Variants in HDAC9 observed in about 807,000 individuals in gnomAD.
The protein encoded by HDAC9 is MEF-2 interacting transcription repressor (MITR) protein.
A neutral mutation model predicts 139.4 loss-of-function variants in HDAC9; 41 were observed. That is an observed-to-expected ratio of 0.29 (90% CI 0.23 to 0.38). HDAC9 has a LOEUF of 0.38. Among genes scored for constraint, HDAC9 ranks in the 10% least tolerant of loss-of-function variants. The probability of loss-of-function intolerance (pLI) is 1.00; values close to 1 mark genes in which losing one functional copy is unlikely to be tolerated. For missense variants in HDAC9, 1,147 were observed against 1,297.0 expected (o/e 0.88, Z 1.78); for synonymous variants, 517 against 476.2 (o/e 1.09, Z -1.12).
chr7:18,737,678 A>T (rs1298239558), intron 13 of HDAC9, among the ~76,000 whole-genome samples: 2 of 152,152 alleles, frequency 1.3e-5, no homozygotes, highest in Non-Finnish European at 2.9e-5. Context: ...TTTATTCCCT[A>T]TGATGTGGTC....
chr7:18,183,597 A>T (rs1396858386), intron 2 of HDAC9, among the ~76,000 whole-genome samples: 1 of 152,210 alleles, frequency 6.6e-6, no homozygotes, highest in Non-Finnish European at 1.5e-5. Flanking sequence ...GCATAAGAAG[A>T]TTGGCAGAAC....
At chr7:18,634,812 T>C (rs2285431) in intron 8 of HDAC9, 70 bp downstream of exon 8, 516,393 of 913,532 alleles carry the variant, frequency 0.57, 149,373 homozygotes, top group South Asian at 0.64. Context: ...CAAAGTGATA[T>C]TTCTGAGTTG....
intron 1 of HDAC9, chr7:18,127,199 T>C (rs1365060261): frequency 5.9e-6 from 1 of 168,672 alleles, no homozygotes; most frequent in Non-Finnish European, 1.5e-5. Flanking sequence ...GGACACCTAG[T>C]AATATTTGAA....
At chr7:18,991,874 T>C (rs1293346138) in intron 25 of HDAC9, among the ~76,000 whole-genome samples, 1 of 152,222 alleles carries the variant, frequency 6.6e-6, no homozygotes, top group East Asian at 1.9e-4. Context: ...CAATGGAGAA[T>C]GTGAGTTCTA....
intron 2 of HDAC9, among the ~76,000 whole-genome samples, chr7:18,245,498 G>T (rs1338991783): frequency 6.6e-6 from 1 of 151,930 alleles, no homozygotes; most frequent in Non-Finnish European, 1.5e-5. Context: ...TGAGGCGGGA[G>T]AATGGCATGA....
chr7:18,539,838 T>A (rs747255191), intron 2 of HDAC9, among the ~76,000 whole-genome samples: 2 of 152,098 alleles, frequency 1.3e-5, no homozygotes, highest in African/African-American at 2.4e-5. Flanking sequence ...AATCTATAAA[T>A]GTGTTAAAAT....
intron 6 of HDAC9, among the ~76,000 whole-genome samples, chr7:18,626,642 C>T (rs1192921721): frequency 6.6e-6 from 1 of 152,152 alleles, no homozygotes; most frequent in African/African-American, 2.4e-5. Flanking sequence ...GTGGTAGATA[C>T]AAGACTAAAA....
Position 18,898,207 on chromosome 7 carries a change from A to G in HDAC9, c.2803+23611A>G, listed in dbSNP as rs550036785. On this transcript the variant is annotated intron_variant, in intron 22 of 25. Coordinates refer to ENST00000686413, the MANE Select transcript of HDAC9 (RefSeq NM_178425.4). ...AACATTGGGGAAGCATTCATAGTCT[A>G]TTAAGACAGACACATACACAATTAT... is the stretch of plus-strand genomic sequence containing the variant. 8.2e-4 allele frequency among the ~76,000 whole-genome samples: 125 copies of G among 151,986 alleles called. 1 individual carries two copies. Among genetic ancestry groups the G allele is most frequent in the Non-Finnish European group, 7.4e-5 (5 of 67,820 alleles).
intron 1 of HDAC9, among the ~76,000 whole-genome samples, chr7:18,469,797 T>C (rs372135799): frequency 3.3e-5 from 5 of 152,140 alleles, no homozygotes; most frequent in African/African-American, 9.7e-5. Flanking sequence ...TCAGATCTTA[T>C]AGGTAAATCA....
intron 2 of HDAC9, among the ~76,000 whole-genome samples, chr7:18,554,102 A>G (rs963718336): frequency 6.6e-6 from 1 of 152,186 alleles, no homozygotes; most frequent in African/African-American, 2.4e-5. Context: ...CCATATATTT[A>G]TCAGATGTCC....
intron 2 of HDAC9, among the ~76,000 whole-genome samples, chr7:18,573,540 G>A (rs1824986814): frequency 6.6e-6 from 1 of 152,190 alleles, no homozygotes; most frequent in South Asian, 2.1e-4. Context: ...GGCTGCACTC[G>A]GCTCGTGCTG....
At chr7:18,578,960 G>A (rs1826910516) in intron 2 of HDAC9, among the ~76,000 whole-genome samples, 1 of 152,166 alleles carries the variant, frequency 6.6e-6, no homozygotes, top group South Asian at 2.1e-4. Context: ...TATTGCTATA[G>A]GAAGTTATTC....
intron 1 of HDAC9, among the ~76,000 whole-genome samples, chr7:18,356,358 G>GTTTTTT (rs5882659): frequency 0.075 from 4,140 of 55,080 alleles, 750 homozygotes; most frequent in Middle Eastern, 0.11. Flanking sequence ...CAGCACATAG[G>GTTTTTT]TTTTTTTTTT....
In HDAC9 at chr7:18,758,594, G is replaced by A. The variant is rs142633564; in HGVS notation, c.2044-3563G>A. On this transcript the variant is annotated intron_variant, in intron 14 of 25. Transcript: ENST00000686413. ...CAATATGAAAGGAAAAGTTGAATGT[G>A]ACAAATTTAAGGCATTTATACAAGT... is the stretch of plus-strand genomic sequence containing the variant. Among the ~76,000 whole-genome samples, 752 of 152,234 alleles carry A rather than the reference G, an allele frequency of 4.9e-3. 3 individuals carry two copies. Among genetic ancestry groups the A allele is most frequent in the South Asian group, 8.7e-3 (42 of 4,824 alleles).
At chr7:18,727,184 G>T (rs1049625328) in intron 12 of HDAC9, among the ~76,000 whole-genome samples, 2 of 152,234 alleles carry the variant, frequency 1.3e-5, no homozygotes, top group African/African-American at 2.4e-5. Context: ...CTCACTGGCA[G>T]TTTGAAAGTG....
chr7:18,360,458 C>A (rs1473618455), intron 1 of HDAC9, among the ~76,000 whole-genome samples: 1 of 152,126 alleles, frequency 6.6e-6, no homozygotes, highest in East Asian at 1.9e-4. Context: ...ATCTTTTCCC[C>A]TACACTTTCT....
chr7:18,614,721 C>A (rs998229371), intron 6 of HDAC9, among the ~76,000 whole-genome samples: 2 of 152,122 alleles, frequency 1.3e-5, no homozygotes, highest in African/African-American at 4.8e-5. Context: ...ATCATAAGTA[C>A]AACATTTAAA....
intron 13 of HDAC9, among the ~76,000 whole-genome samples, chr7:18,736,446 G>T (rs139781044): frequency 5.3e-5 from 8 of 152,234 alleles, no homozygotes; most frequent in Admixed American, 6.5e-5. Context: ...TAGCATGAAG[G>T]GCTGTTGAAT....
intron 23 of HDAC9, among the ~76,000 whole-genome samples, chr7:18,936,836 T>A (rs1781669465): frequency 6.6e-6 from 1 of 152,104 alleles, no homozygotes. Context: ...CCTGTAGTAT[T>A]TTATAAAACA....
Sources: allele counts gnomAD v4.1 joint callset (sites outside exome capture counted in the v4.1 genomes callset), GRCh38; gene constraint gnomAD v4.1.1; transcripts MANE v1.5; gene names NCBI Gene and HGNC (gene_info 2026-07-23, HGNC 2026-07-21).